MARCHF8: variants seen among roughly 807,000 people sequenced by gnomAD.
MARCHF8 encodes the protein membrane associated ring-CH-type finger 8, also known as E3 ubiquitin-protein ligase MARCHF8.
A neutral mutation model predicts 51.6 loss-of-function variants in MARCHF8; 40 were observed. That is an observed-to-expected ratio of 0.77 (90% CI 0.60 to 1.01). MARCHF8 has a LOEUF of 1.01. Ranked by LOEUF, MARCHF8 falls within the 50% of genes least tolerant of loss-of-function variation. The pLI is 0.00. For missense variants in MARCHF8, 685 were observed against 708.6 expected (o/e 0.97, Z 0.38); for synonymous variants, 263 against 280.3 (o/e 0.94, Z 0.62).
intron 2 of MARCHF8, among the ~76,000 whole-genome samples, chr10:45,489,707 G>A (rs898954707): frequency 6.6e-6 from 1 of 152,128 alleles, no homozygotes; most frequent in African/African-American, 2.4e-5. Flanking sequence ...AAATAAGATG[G>A]TAATAAGTGT....
At chr10:45,505,474 G>C (rs1026484547) in intron 2 of MARCHF8, among the ~76,000 whole-genome samples, 4 of 152,186 alleles carry the variant, frequency 2.6e-5, no homozygotes, top group African/African-American at 9.7e-5. Context: ...CAATACCACA[G>C]GCTTGTAATT....
chr10:45,587,054 G>A (rs2044626568), intron 1 of MARCHF8, among the ~76,000 whole-genome samples: 3 of 152,230 alleles, frequency 2.0e-5, no homozygotes, highest in Admixed American at 1.3e-4. Context: ...ACAGGACATG[G>A]ACATCTGCTC....
intron 1 of MARCHF8, among the ~76,000 whole-genome samples, chr10:45,569,573 T>C (rs111997435): frequency 0.014 from 2,089 of 152,286 alleles, 55 homozygotes; most frequent in African/African-American, 0.047. Flanking sequence ...TTTTTTGATG[T>C]GTGGAAAAGG....
rs538498332 is a variant in MARCHF8 at position 45,455,763 on chromosome 10, G to A, written c.*2476C>T. ...CCTTCAAGAAAAGAAAAGGCAAGGG[G>A]GTGGCTCTGTGCCCCGCCAGGAGAG... On this transcript the variant is annotated 3_prime_UTR_variant, in exon 8 of 8. Transcript: ENST00000453424. 6.6e-6 allele frequency: 1 copy of A among 152,614 alleles called. No individual in the cohort carries two copies. Among genetic ancestry groups the A allele is most frequent in the South Asian group, 2.1e-4 (1 of 4,836 alleles). The allele number at this position is 152,614 out of a possible 1,614,324, so 9.5% of individuals were successfully genotyped here.
chr10:45,465,095 GAA>G (rs1842926687), intron 3 of MARCHF8, among the ~76,000 whole-genome samples: 1 of 152,172 alleles, frequency 6.6e-6, no homozygotes, highest in African/African-American at 2.4e-5. Flanking sequence ...AGTGAGGAGA[GAA>G]ATGGACAGAG....
chr10:45,462,996 G>A (rs942701768), intron 5 of MARCHF8, among the ~76,000 whole-genome samples, 155 bp downstream of exon 5: 2 of 152,150 alleles, frequency 1.3e-5, no homozygotes, highest in Admixed American at 6.5e-5. Flanking sequence ...TTTTTCAAAC[G>A]ATATTGATAC....
chr10:45,515,599 G>T (rs1425555272), intron 2 of MARCHF8, among the ~76,000 whole-genome samples: 1 of 151,244 alleles, frequency 6.6e-6, no homozygotes, highest in Admixed American at 6.6e-5. Context: ...TTCCTTTTTT[G>T]CAGGGAAATA....
chr10:45,459,676 T>C lies in MARCHF8; in HGVS notation c.1270-409A>G, dbSNP rs116808430. Reference sequence around the variant, plus strand: ...ACGAGCGGAAGAAGAGGGTTGATGATGCCACAACACACTAGCAGATGGGTC... The same window carrying C: ...ACGAGCGGAAGAAGAGGGTTGATGACGCCACAACACACTAGCAGATGGGTC... On this transcript the variant is annotated intron_variant, in intron 6 of 7. Transcript: ENST00000453424. 1.3e-3 allele frequency: 1,232 copies of C among 980,754 alleles called. 8 individuals are homozygous for C. The African/African-American group carries it at 0.02, about 16-fold the overall frequency. The allele number at this position is 980,754 out of a possible 1,614,324, so 60.8% of individuals were successfully genotyped here. A position where few individuals can be genotyped will look rare whatever the true frequency, so the allele number is the denominator to read the frequency against.
At chr10:45,464,085 T>C (rs1842887504) in intron 4 of MARCHF8, 89 bp from the exon 5 acceptor site, 1 of 1,508,878 alleles carries the variant, frequency 6.6e-7, no homozygotes, top group Non-Finnish European at 8.9e-7. Flanking sequence ...GAGACTAGCA[T>C]GGGTAACTTG....
chr10:45,547,329 G>A (rs970325502), intron 1 of MARCHF8, among the ~76,000 whole-genome samples: 2 of 152,162 alleles, frequency 1.3e-5, no homozygotes, highest in Non-Finnish European at 2.9e-5. Context: ...CCAGGAGGGA[G>A]AGAAACTTTT....
chr10:45,573,860 C>T (rs1041004464), intron 1 of MARCHF8, among the ~76,000 whole-genome samples: 10 of 152,288 alleles, frequency 6.6e-5, no homozygotes, highest in South Asian at 2.1e-4. Context: ...TTGAAGACCA[C>T]GCTTCTAAAA....
chr10:45,480,619 G>A (rs1476015303), intron 3 of MARCHF8, among the ~76,000 whole-genome samples: 1 of 152,246 alleles, frequency 6.6e-6, no homozygotes, highest in African/African-American at 2.4e-5. Flanking sequence ...TTCAGAGGGT[G>A]CAAGCCCCAA....
intron 1 of MARCHF8, among the ~76,000 whole-genome samples, chr10:45,547,816 A>G (rs953661458): frequency 6.6e-6 from 1 of 152,184 alleles, no homozygotes; most frequent in African/African-American, 2.4e-5. Context: ...TAGAGGGACA[A>G]CTTAACCAAA....
intron 1 of MARCHF8, among the ~76,000 whole-genome samples, chr10:45,571,176 T>G (rs1260560984): frequency 1.3e-5 from 2 of 152,230 alleles, no homozygotes; most frequent in Non-Finnish European, 2.9e-5. Flanking sequence ...GGAGTTAATG[T>G]CAGGCCTCTG....
upstream of MARCHF8, among the ~76,000 whole-genome samples, chr10:45,538,825 T>G (rs896471696): frequency 2.6e-5 from 4 of 152,268 alleles, no homozygotes; most frequent in East Asian, 5.8e-4. Flanking sequence ...AACAAGTCCT[T>G]AGTGACCTAC....
chr10:45,482,363 C>T (rs12049657), intron 3 of MARCHF8, among the ~76,000 whole-genome samples: 1 of 152,106 alleles, frequency 6.6e-6, no homozygotes, highest in African/African-American at 2.4e-5. Flanking sequence ...CAAAACAATC[C>T]TAAGAAAAAC....
intron 1 of MARCHF8, among the ~76,000 whole-genome samples, chr10:45,560,594 C>T (rs1341910902): frequency 2.0e-5 from 3 of 152,182 alleles, no homozygotes; most frequent in Non-Finnish European, 4.4e-5. Flanking sequence ...GCACCCTCCT[C>T]GGGGTCTGTG....
At chr10:45,594,235 C>T (rs902595631) in exon 1 of MARCHF8, 1 of 152,196 alleles carries the variant, frequency 6.6e-6, no homozygotes, top group Non-Finnish European at 1.5e-5. Context: ...AAATAGTTAC[C>T]TATGCTTTCC....
intron 1 of MARCHF8, among the ~76,000 whole-genome samples, chr10:45,556,222 C>T (rs146678425): frequency 2.6e-5 from 4 of 152,134 alleles, no homozygotes; most frequent in Non-Finnish European, 4.4e-5. Context: ...ACCTATCAAC[C>T]GAATGTAATG....
Sources: allele counts gnomAD v4.1 joint callset (sites outside exome capture counted in the v4.1 genomes callset), GRCh38; gene constraint gnomAD v4.1.1; transcripts MANE v1.5; gene names NCBI Gene and HGNC (gene_info 2026-07-23, HGNC 2026-07-21).